The following SLMAP variants were observed in gnomAD, a reference collection of about 807,000 sequenced individuals.
SLMAP encodes sarcolemma associated protein.
SLMAP carries 44 observed loss-of-function variants against 128.8 expected under a neutral mutation model. The ratio of observed to expected loss-of-function variants is 0.34; its 90% confidence interval spans 0.27 to 0.44. The LOEUF is 0.44. Among genes scored for constraint, SLMAP ranks in the 20% least tolerant of loss-of-function variants. SLMAP has a pLI of 1.00. For missense variants in SLMAP, 787 were observed against 985.3 expected (o/e 0.80, Z 2.69); for synonymous variants, 327 against 348.8 (o/e 0.94, Z 0.70).
intron 15 of SLMAP, 34 bp from the exon 16 acceptor site, chr3:57,896,477 T>TA: frequency 6.4e-7 from 1 of 1,557,132 alleles, no homozygotes; most frequent in Non-Finnish European, 8.7e-7. Flanking sequence ...TATTTAACTG[T>TA]AATAAGATTT....
intron 2 of SLMAP, among the ~76,000 whole-genome samples, chr3:57,767,418 T>C (rs2079964104): frequency 6.6e-6 from 1 of 152,252 alleles, no homozygotes; most frequent in Non-Finnish European, 1.5e-5. Context: ...TTCAAGTTAG[T>C]TCTCAATTTG....
chr3:57,906,666 G>GA (rs1206959758), intron 17 of SLMAP, among the ~76,000 whole-genome samples: 56 of 24,722 alleles, frequency 2.3e-3, no homozygotes, highest in Non-Finnish European at 3.5e-3. Context: ...CTATGAATAT[G>GA]AAAAAAAAAT....
In SLMAP at chr3:57,757,290, G is replaced by A; in HGVS notation, c.-362G>A. On this transcript the variant is annotated 5_prime_UTR_variant, in exon 2 of 25. It adds an upstream start codon to the 5' untranslated region. Coordinates refer to ENST00000671191, the MANE Select transcript of SLMAP (RefSeq NM_001377540.1). ...TCTCAAACCAAACACAAGAATTGGC[G>A]TGTGACTCATCTGCTTGGATACCTC... 1 of 323,598 alleles carries A rather than the reference G, an allele frequency of 3.1e-6. No homozygotes were observed. Among genetic ancestry groups the A allele is most frequent in the Non-Finnish European group, 5.9e-6 (1 of 169,778 alleles). 20.0% of individuals were successfully genotyped at this position (323,598 alleles called of 1,614,324 possible).
At chr3:57,841,449 G>C in intron 4 of SLMAP, 78 bp downstream of exon 4, 2 of 760,114 alleles carry the variant, frequency 2.6e-6, no homozygotes, top group Non-Finnish European at 4.4e-6. Context: ...TCTAGGTGAT[G>C]GTGTACTGCT....
intron 14 of SLMAP, among the ~76,000 whole-genome samples, chr3:57,884,376 A>C (rs992924414): frequency 1.3e-5 from 2 of 152,124 alleles, no homozygotes; most frequent in African/African-American, 2.4e-5. Context: ...TGAGCATCTC[A>C]CTGGGGAAAA....
chr3:57,809,542 C>T (rs367613678), intron 2 of SLMAP, among the ~76,000 whole-genome samples: 3 of 152,160 alleles, frequency 2.0e-5, no homozygotes, highest in South Asian at 2.1e-4. Context: ...CTGGGCACCA[C>T]GAACAGCAGC....
chr3:57,861,557 CTAAG>C (rs541573624), intron 9 of SLMAP, among the ~76,000 whole-genome samples: 222 of 152,208 alleles, frequency 1.5e-3, no homozygotes, highest in African/African-American at 4.1e-3. Context: ...AAGAAAGTTA[CTAAG>C]TGTCTTTTAA....
rs535306921 is a variant in SLMAP, at chr3:57,852,207, G to A, written c.519+2391G>A. On this transcript the variant is annotated intron_variant, in intron 6 of 24. Transcript: ENST00000671191. Reference sequence around the variant, plus strand: ...ATTACAGGCCTGAGCCACCACACCCGGACCCCTACATTCTTTTATAGGAAT... The same window carrying A: ...ATTACAGGCCTGAGCCACCACACCCAGACCCCTACATTCTTTTATAGGAAT... Among the ~76,000 whole-genome samples, 19 of 152,120 alleles carry A rather than the reference G, an allele frequency of 1.2e-4. 1 individual carries two copies. In the South Asian group the frequency reaches 2.3e-3, roughly 18 times the overall value.
chr3:57,846,483 A>G (rs2153572936), intron 4 of SLMAP, among the ~76,000 whole-genome samples: 1 of 152,158 alleles, frequency 6.6e-6, no homozygotes, highest in East Asian at 1.9e-4. Flanking sequence ...TTTGCTTTTT[A>G]AGACTTTCTG....
chr3:57,837,437 C>T (rs1344359986), intron 3 of SLMAP, among the ~76,000 whole-genome samples: 2 of 152,130 alleles, frequency 1.3e-5, no homozygotes, highest in Admixed American at 6.6e-5. Flanking sequence ...GGCACGATTT[C>T]GGTTCACTGC....
At chr3:57,825,495 GT>G (rs1181833287) in intron 2 of SLMAP, among the ~76,000 whole-genome samples, 1 of 120,516 alleles carries the variant, frequency 8.3e-6, no homozygotes. Flanking sequence ...ATGATTGTGT[GT>G]TTTCTTTTTT....
rs1006612303 is a variant in SLMAP at position 57,865,292 on chromosome 3, G to C, written c.1237G>C (p.Glu413Gln). ...TAAAATAAATGGGAGCACAGAAAAAGGTAGTGTAAAAAACTTAAATATATA... is the reference window on the plus strand; with the variant it reads ...TAAAATAAATGGGAGCACAGAAAAACGTAGTGTAAAAAACTTAAATATATA... ...LPKINGSTEK[E>Q]HLLSKSGGDC... Residue 413 changes from glutamate to glutamine, a missense_variant and splice_region_variant, in exon 13 of 25, where the codon GAG becomes CAG. Glu to Gln is a conservative substitution (Grantham distance 29). Transcript: ENST00000671191. The C allele has an allele frequency of 2.1e-6, 3 of 1,436,276 alleles. No individual in the cohort carries two copies. In the African/African-American group the frequency reaches 4.3e-5, roughly 20 times the overall value. The allele number at this position is 1,436,276 out of a possible 1,614,324, so 89.0% of individuals were successfully genotyped here.
At chr3:57,882,046 A>G (rs1312519027) in intron 14 of SLMAP, among the ~76,000 whole-genome samples, 1 of 152,162 alleles carries the variant, frequency 6.6e-6, no homozygotes, top group Non-Finnish European at 1.5e-5. Context: ...GCTAATCATT[A>G]TTTAGTACTT....
intron 6 of SLMAP, among the ~76,000 whole-genome samples, chr3:57,854,019 A>G (rs1264368901): frequency 9.0e-6 from 1 of 111,260 alleles, no homozygotes; most frequent in Non-Finnish European, 1.8e-5. Context: ...AATATATATT[A>G]TATATAATAT....
At chr3:57,827,405 G>A (rs765941005) in intron 2 of SLMAP, among the ~76,000 whole-genome samples, 6 of 152,206 alleles carry the variant, frequency 3.9e-5, no homozygotes, top group Non-Finnish European at 7.3e-5. Context: ...AACCTGTGAA[G>A]TGCTGTTCCT....
At chr3:57,842,022 T>G (rs2093959764) in intron 4 of SLMAP, among the ~76,000 whole-genome samples, 1 of 152,198 alleles carries the variant, frequency 6.6e-6, no homozygotes, top group African/African-American at 2.4e-5. Flanking sequence ...CTTAACATTT[T>G]TTATTTGTGG....
chr3:57,823,205 G>A lies in SLMAP; in HGVS notation c.199-8178G>A, dbSNP rs572090689. On this transcript the variant is annotated intron_variant, in intron 2 of 24. Coordinates refer to ENST00000671191, the MANE Select transcript of SLMAP (RefSeq NM_001377540.1). ...ACTTTATCTTTTTTTTTCTGATTTG[G>A]GTAATTTATTTTTTTATTTTTCTTT... Among the ~76,000 whole-genome samples, 33 of 152,070 alleles carry A rather than the reference G, an allele frequency of 2.2e-4. No homozygotes were observed. The South Asian group carries it at 6.4e-3, about 30-fold the overall frequency.
intron 23 of SLMAP, 133 bp downstream of exon 23, chr3:57,923,156 C>T (rs553637007): frequency 1.2e-6 from 1 of 845,666 alleles, no homozygotes; most frequent in Non-Finnish European, 1.9e-6. Flanking sequence ...TATGAAATTC[C>T]ATGATAGAAT....
At chr3:57,821,356 C>T (rs1026124894) in intron 2 of SLMAP, among the ~76,000 whole-genome samples, 27 of 152,132 alleles carry the variant, frequency 1.8e-4, no homozygotes, top group Admixed American at 5.2e-4. Context: ...GTAAGACGTT[C>T]GGGTAATATA....
Sources: allele counts gnomAD v4.1 joint callset (sites outside exome capture counted in the v4.1 genomes callset), GRCh38; gene constraint gnomAD v4.1.1; transcripts MANE v1.5; gene names NCBI Gene and HGNC (gene_info 2026-07-23, HGNC 2026-07-21).